Variants in CAPN3 observed in about 807,000 individuals in gnomAD.
CAPN3 encodes the protein calpain-3.
In CAPN3, 88 loss-of-function variants were observed where a neutral mutation model predicts 114.0. That is an observed-to-expected ratio of 0.77 (90% confidence interval 0.65 to 0.92). The LOEUF (loss-of-function observed/expected upper bound fraction) is 0.92, where lower values mean the gene tolerates loss of function less well. Ranked by LOEUF, CAPN3 falls within the 40% of genes least tolerant of loss-of-function variation. The pLI is 0.00. For synonymous variants in CAPN3, 386 were observed against 382.9 expected (o/e 1.01, Z -0.09); for missense variants, 1,028 against 1,069.0 (o/e 0.96, Z 0.53).
intron 16 of CAPN3, 47 bp from the exon 17 acceptor site, chr15:42,409,256 G>C: frequency 1.3e-6 from 2 of 1,578,352 alleles, no homozygotes; most frequent in South Asian, 2.2e-5. Flanking sequence ...TCACAGGCCT[G>C]TGCACCTCTG....
At chr15:42,363,867 G>T (rs2052712820) in intron 1 of CAPN3, among the ~76,000 whole-genome samples, 3 of 152,230 alleles carry the variant, frequency 2.0e-5, no homozygotes, top group South Asian at 2.1e-4. Context: ...CTCCCAGTTA[G>T]TGAGGGTTGG....
Position 42,409,986 on chromosome 15 carries a change from G to C in CAPN3, c.2106G>C (p.Ala702=). The C allele has an allele frequency of 2.5e-6, 4 of 1,611,848 alleles. No homozygotes were observed. The highest frequency in any genetic ancestry group is 3.4e-6 in the Non-Finnish European group (4 of 1,179,688). Residue 702 remains alanine, a synonymous_variant, in exon 19 of 24, where the codon GCG becomes GCC. Transcript: ENST00000397163. ...FTLESCRSMI[A]LMDTDGSGKL... ...TGGAGTCCTGCCGTAGCATGATTGC[G>C]CTCATGGATGTATCCTTCCTGCCGC... is the stretch of plus-strand genomic sequence containing the variant.
Position 42,412,081 on chromosome 15 carries a change from T to C in CAPN3, c.*308T>C. The C allele has an allele frequency of 4.6e-6, 7 of 1,534,632 alleles. No homozygotes were observed. The highest frequency in any genetic ancestry group is 6.1e-6 in the Non-Finnish European group (7 of 1,146,366). On this transcript the variant is annotated 3_prime_UTR_variant, in exon 24 of 24. Coordinates refer to ENST00000397163, the MANE Select transcript of CAPN3 (RefSeq NM_000070.3). The stretch of plus-strand genomic sequence containing the variant: ...AAGCGAGTGCTCCTGCTTACCTTGC[T>C]CTAGGCTGTCTGCAGAAGCACCTGC...
intron 1 of CAPN3, among the ~76,000 whole-genome samples, chr15:42,378,735 A>G (rs771620795): frequency 6.6e-6 from 1 of 151,860 alleles, no homozygotes; most frequent in Non-Finnish European, 1.5e-5. Context: ...AATATTGCTT[A>G]TTGATTTTTC....
chr15:42,393,251 G>C (rs1162438058), intron 7 of CAPN3, among the ~76,000 whole-genome samples: 1 of 152,184 alleles, frequency 6.6e-6, no homozygotes, highest in African/African-American at 2.4e-5. Flanking sequence ...TATGTAAATA[G>C]TTATTGCACT....
Position 42,402,575 on chromosome 15 carries a change from G to A in CAPN3, c.1537-219G>A, listed in dbSNP as rs1274532259. The A allele has an allele frequency of 5.4e-6, 8 of 1,486,784 alleles. No homozygotes were observed. The Admixed American group carries it at 6.3e-5, about 12-fold the overall frequency. The allele number at this position is 1,486,784 out of a possible 1,614,324, so 92.1% of individuals were successfully genotyped here. On this transcript the variant is annotated intron_variant, in intron 12 of 23. Transcript: ENST00000397163. ...GCTGTTCTGGTAAGTGTCCCTGAGTGTGGGGATGACACATTTGCCATTCAC... is the reference window on the plus strand; with the variant it reads ...GCTGTTCTGGTAAGTGTCCCTGAGTATGGGGATGACACATTTGCCATTCAC...
intron 1 of CAPN3, among the ~76,000 whole-genome samples, chr15:42,378,373 C>T (rs1164713818): frequency 6.6e-6 from 1 of 152,206 alleles, no homozygotes; most frequent in Non-Finnish European, 1.5e-5. Flanking sequence ...TAAGTGGATT[C>T]GGCTGCCTTC....
intron 1 of CAPN3, among the ~76,000 whole-genome samples, chr15:42,368,283 G>A (rs542101728): frequency 1.3e-5 from 2 of 152,296 alleles, no homozygotes; most frequent in African/African-American, 2.4e-5. Flanking sequence ...TGTAAAGAAT[G>A]TCCTTTTCAT....
At position 42,380,800 on chromosome 15, in the gene CAPN3, A is replaced by G. The variant is rs1173973001; in HGVS notation, c.310-3683A>G. Among the ~76,000 whole-genome samples the G allele has an allele frequency of 4.0e-5, 5 of 125,154 alleles. No homozygotes were observed. The East Asian group carries it at 1.1e-3, about 28-fold the overall frequency. The allele number at this position is 125,154 out of a possible 152,430, so 82.1% of individuals were successfully genotyped here. The stretch of plus-strand genomic sequence containing the variant: ...AAGATGGGGTTTTGCCATGTTGCCC[A>G]GGCTGGCCTCAAACTCCTGAGCTTA... On this transcript the variant is annotated intron_variant, in intron 1 of 23. Coordinates refer to ENST00000397163, the MANE Select transcript of CAPN3 (RefSeq NM_000070.3).
At chr15:42,370,088 G>C (rs574025125) in intron 1 of CAPN3, among the ~76,000 whole-genome samples, 7 of 151,874 alleles carry the variant, frequency 4.6e-5, no homozygotes, top group Non-Finnish European at 1.0e-4. Context: ...GGCCAGGCTG[G>C]TCTCGAACTC....
chr15:42,403,867 C>T (rs1424998939), intron 14 of CAPN3, 90 bp downstream of exon 14: 53 of 1,155,368 alleles, frequency 4.6e-5, no homozygotes, highest in Non-Finnish European at 6.7e-5. Flanking sequence ...AGAATGGGCA[C>T]TGGCAGAGGG....
chr15:42,389,414 C>T (rs1173159928), intron 5 of CAPN3, among the ~76,000 whole-genome samples: 3 of 152,232 alleles, frequency 2.0e-5, no homozygotes, highest in Non-Finnish European at 2.9e-5. Flanking sequence ...TGGCCACGTA[C>T]TTGGCTGTGG....
At chr15:42,410,403 T>G (rs779115219) in intron 19 of CAPN3, 25 bp from the exon 20 acceptor site, 3 of 1,611,996 alleles carry the variant, frequency 1.9e-6, no homozygotes, top group South Asian at 1.1e-5. Context: ...CTGTGTGCTG[T>G]GTAGCCCTGA....
chr15:42,388,010 A>C, intron 4 of CAPN3, 124 bp downstream of exon 4: 1 of 1,158,772 alleles, frequency 8.6e-7, no homozygotes. Context: ...TGGGCATGCA[A>C]GTCCAACTGT....
rs554172991 is a variant in CAPN3, at chr15:42,397,267, A to C, written c.1193+390A>C. 2.6e-5 allele frequency among the ~76,000 whole-genome samples: 4 copies of C among 152,234 alleles called. No individual in the cohort carries two copies. The East Asian group carries it at 7.7e-4, about 29-fold the overall frequency. On this transcript the variant is annotated intron_variant, in intron 9 of 23. Coordinates refer to ENST00000397163, the MANE Select transcript of CAPN3 (RefSeq NM_000070.3). Reference sequence around the variant, plus strand: ...AGGCTTCAAGTCTCAGCTTAAGGAGAATTTTCAAGTCTCAGCTTAAGGAGA... The same window carrying C: ...AGGCTTCAAGTCTCAGCTTAAGGAGCATTTTCAAGTCTCAGCTTAAGGAGA...
intron 1 of CAPN3, among the ~76,000 whole-genome samples, chr15:42,374,923 T>A (rs557088073): frequency 1.2e-4 from 17 of 146,400 alleles, no homozygotes; most frequent in African/African-American, 4.0e-4. Context: ...ACTTCACACC[T>A]CAGCCTTCCA....
intron 1 of CAPN3, among the ~76,000 whole-genome samples, chr15:42,369,866 C>CTT (rs1318171834): frequency 2.2e-5 from 3 of 137,928 alleles, no homozygotes; most frequent in African/African-American, 8.9e-5. Flanking sequence ...TTCTTTCTTT[C>CTT]TTTCTTTTTT....
At chr15:42,387,642 AG>A in intron 3 of CAPN3, 110 bp from the exon 4 acceptor site, 1 of 1,352,118 alleles carries the variant, frequency 7.4e-7, no homozygotes, top group Non-Finnish European at 1.1e-6. Flanking sequence ...TGCAGAGTCC[AG>A]GAAATGATGC....
chr15:42,382,670 ATAT>A (rs781717946), intron 1 of CAPN3, among the ~76,000 whole-genome samples: 4 of 152,076 alleles, frequency 2.6e-5, no homozygotes, highest in Non-Finnish European at 5.9e-5. Flanking sequence ...CACCTGGACA[ATAT>A]TATTATTTCT....
Sources: allele counts gnomAD v4.1 joint callset (sites outside exome capture counted in the v4.1 genomes callset), GRCh38; gene constraint gnomAD v4.1.1; transcripts MANE v1.5; gene names NCBI Gene and HGNC (gene_info 2026-07-23, HGNC 2026-07-21).